Variants in SLC12A2 observed in about 807,000 individuals in gnomAD.
SLC12A2 encodes Na-K-2Cl cotransporter 1.
SLC12A2 carries 67 observed loss-of-function variants against 136.3 expected under a neutral mutation model. The ratio of observed to expected loss-of-function variants is 0.49; its 90% CI spans 0.40 to 0.60. The LOEUF (loss-of-function observed/expected upper bound fraction) is 0.60, where lower values mean the gene tolerates loss of function less well. SLC12A2 is among the 20% of genes least tolerant of loss of function. SLC12A2 has a pLI of 0.00. For synonymous variants in SLC12A2, 619 were observed against 562.9 expected, an observed-to-expected ratio of 1.10 and a Z score of -1.41; for missense variants, 1,322 against 1,534.7, an observed-to-expected ratio of 0.86 and a Z score of 2.32.
rs142491468 is a variant in SLC12A2, at chr5:128,142,010, A to AT, written c.1773+31dup. ...AGCATTGACTTTGTAATATACAGACATTCTGTATTTATCTAGGGGTGAGAC... is the reference window on the plus strand; with the variant it reads ...AGCATTGACTTTGTAATATACAGACATTTCTGTATTTATCTAGGGGTGAGAC... On this transcript the variant is annotated intron_variant, in intron 10 of 26. Transcript: ENST00000262461. The AT allele has an allele frequency of 4.9e-4, 773 of 1,588,694 alleles. 5 individuals are homozygous for AT. In the African/African-American group the frequency reaches 9.3e-3, roughly 19 times the overall value.
At chr5:128,173,377 A>G (rs1763441632) in intron 19 of SLC12A2, among the ~76,000 whole-genome samples, 1 of 152,208 alleles carries the variant, frequency 6.6e-6, no homozygotes, top group African/African-American at 2.4e-5. Context: ...CCTTTCACGT[A>G]TCAGTTTGAT....
chr5:128,131,401 C>T (rs974477035), intron 5 of SLC12A2, among the ~76,000 whole-genome samples, 195 bp downstream of exon 5: 14 of 151,292 alleles, frequency 9.3e-5, no homozygotes, highest in Non-Finnish European at 1.9e-4. Context: ...CGGTGGCTCG[C>T]GCATGTAATC....
chr5:128,089,397 TA>T (rs963975127), intron 1 of SLC12A2, among the ~76,000 whole-genome samples: 1 of 150,982 alleles, frequency 6.6e-6, no homozygotes, highest in Non-Finnish European at 1.5e-5. Context: ...AGACCCTGTC[TA>T]AAAAAAAATA....
rs114449511 is a variant in SLC12A2, at chr5:128,148,237, C to G, written c.1881+508C>G. Among the ~76,000 whole-genome samples the G allele has an allele frequency of 8.0e-3, 1,208 of 151,706 alleles. 19 individuals are homozygous for G. Among genetic ancestry groups the G allele is most frequent in the African/African-American group, 0.027 (1,116 of 41,472 alleles). On this transcript the variant is annotated intron_variant, in intron 11 of 26. Transcript: ENST00000262461. ...AACAGCTGAATACTGATGGGAAGTA[C>G]TTTTTATTGGTAAATCAAATAAATG... is the stretch of plus-strand genomic sequence containing the variant.
chr5:128,180,060 C>T (rs887660069), intron 22 of SLC12A2, among the ~76,000 whole-genome samples: 3 of 147,838 alleles, frequency 2.0e-5, no homozygotes, highest in Non-Finnish European at 4.5e-5. Context: ...AGCTCCGCCT[C>T]CCGGGTTCAC....
At chr5:128,150,632 T>G (rs6894328) in intron 13 of SLC12A2, among the ~76,000 whole-genome samples, 5,083 of 151,928 alleles carry the variant, frequency 0.033, 304 homozygotes, top group African/African-American at 0.12. Context: ...ATTGAAATTA[T>G]TTTTTTAAAA....
chr5:128,091,490 G>A (rs1405786399), intron 1 of SLC12A2, among the ~76,000 whole-genome samples: 2 of 152,174 alleles, frequency 1.3e-5, no homozygotes, highest in African/African-American at 2.4e-5. Flanking sequence ...CAAAGGGGTA[G>A]GGAACTAGTG....
chr5:128,114,852 A>G (rs552325237), intron 4 of SLC12A2, among the ~76,000 whole-genome samples, 171 bp downstream of exon 4: 2 of 152,340 alleles, frequency 1.3e-5, no homozygotes, highest in South Asian at 4.1e-4. Flanking sequence ...GTAAAATTTT[A>G]TGTCAACTCA....
chr5:128,126,161 G>GT (rs1761786363), intron 4 of SLC12A2, among the ~76,000 whole-genome samples: 2 of 152,050 alleles, frequency 1.3e-5, no homozygotes, highest in South Asian at 4.1e-4. Context: ...ACTTAGATAT[G>GT]CCAATTTCTG....
chr5:128,163,097 T>G (rs1263486694), intron 17 of SLC12A2, among the ~76,000 whole-genome samples: 2 of 152,158 alleles, frequency 1.3e-5, no homozygotes, highest in Non-Finnish European at 2.9e-5. Flanking sequence ...GCTGTGGTAA[T>G]GTAGATTGGA....
At chr5:128,090,865 G>T (rs1760287044) in intron 1 of SLC12A2, among the ~76,000 whole-genome samples, 1 of 152,148 alleles carries the variant, frequency 6.6e-6, no homozygotes, top group African/African-American at 2.4e-5. Context: ...TAAAGTCAGG[G>T]GGTAGTGAGG....
intron 1 of SLC12A2, among the ~76,000 whole-genome samples, chr5:128,086,097 A>T (rs1036095355): frequency 6.6e-6 from 1 of 152,326 alleles, no homozygotes; most frequent in South Asian, 2.1e-4. Context: ...TAATGAAAAT[A>T]TTATACAGAT....
rs1035574380 is a variant in SLC12A2 at position 128,105,587 on chromosome 5, A to G, written c.757-7227A>G. Among the ~76,000 whole-genome samples the G allele has an allele frequency of 5.3e-5, 8 of 152,206 alleles. No individual in the cohort carries two copies. The South Asian group carries it at 1.4e-3, about 28-fold the overall frequency. On this transcript the variant is annotated intron_variant, in intron 1 of 26. Coordinates refer to ENST00000262461, the MANE Select transcript of SLC12A2 (RefSeq NM_001046.3). ...CTTGCGTTTAAGAATGTGCTGCACT[A>G]TTAGAAACTTTGGCAAGAGTCAGAG...
Position 128,186,686 on chromosome 5 carries a change from A to G in SLC12A2, c.*55A>G. The G allele has an allele frequency of 6.5e-7, 1 of 1,534,768 alleles. No individual in the cohort carries two copies. The highest frequency in any genetic ancestry group is 1.2e-5 in the South Asian group (1 of 85,264). Reference sequence around the variant, plus strand: ...ATGGTACTTCAGTGCCTAGTGTAGTAACTGAAATCTTCAATGACACATTAA... The same window carrying G: ...ATGGTACTTCAGTGCCTAGTGTAGTGACTGAAATCTTCAATGACACATTAA... On this transcript the variant is annotated 3_prime_UTR_variant, in exon 27 of 27. Transcript: ENST00000262461.
chr5:128,084,208 T>C lies in SLC12A2; in HGVS notation c.254T>C (p.Leu85Pro), dbSNP rs577740971. The change falls in exon 1 of 27, where the codon CTG (leucine) becomes CCG (proline). Residue 85 changes from leucine (L) to proline (P), a missense_variant. Coordinates refer to ENST00000262461, the MANE Select transcript of SLC12A2 (RefSeq NM_001046.3). This position sits in a 1 kb window ranked among gnomAD's most constrained non-coding sequence, Gnocchi z 5.6. ...TPSQSRFQVD[L>P]VSENAGRAAA... is the part of the protein sequence containing the mutation. Reference sequence around the variant, plus strand: ...AGCCAGAGCCGTTTCCAGGTGGACCTGGTTTCCGAGAACGCCGGGCGGGCC... The same window carrying C: ...AGCCAGAGCCGTTTCCAGGTGGACCCGGTTTCCGAGAACGCCGGGCGGGCC... The C allele has an allele frequency of 4.7e-6, 6 of 1,284,442 alleles. No individual in the cohort carries two copies. In the South Asian group the frequency reaches 1.1e-4, roughly 23 times the overall value. The allele number at this position is 1,284,442 out of a possible 1,614,324, so 79.6% of individuals were successfully genotyped here.
chr5:128,178,786 A>G, intron 22 of SLC12A2, 97 bp downstream of exon 22: 1 of 931,522 alleles, frequency 1.1e-6, no homozygotes, highest in Non-Finnish European at 1.5e-6. Context: ...ACCCCATTCA[A>G]ATTTTGCCAG....
At chr5:128,122,499 G>T (rs1488566591) in intron 4 of SLC12A2, among the ~76,000 whole-genome samples, 1 of 152,076 alleles carries the variant, frequency 6.6e-6, no homozygotes. Context: ...CATTTACATG[G>T]ATAGTGAGAA....
At position 128,084,313 on chromosome 5, in the gene SLC12A2, G is replaced by A; in HGVS notation, c.359G>A (p.Gly120Glu). 6.5e-7 allele frequency: 1 copy of A among 1,537,034 alleles called. No individual in the cohort carries two copies. The highest frequency in any genetic ancestry group is 8.7e-7 in the Non-Finnish European group (1 of 1,147,262). The part of the protein sequence containing the change: ...GAGAKQTPAD[G>E]EASGESEPAK... ...GGGGCCAAGCAGACCCCCGCGGACG[G>A]GGAAGCCAGCGGCGAGAGCGAGCCG... Residue 120 changes from glycine to glutamate, a missense_variant, in exon 1 of 27, where the codon GGG becomes GAG. Gly to Glu is a moderately conservative substitution (Grantham distance 98). Coordinates refer to ENST00000262461, the MANE Select transcript of SLC12A2 (RefSeq NM_001046.3). The surrounding 1 kb of genome is among the most constrained non-coding windows in gnomAD (Gnocchi z 5.6).
At chr5:128,126,156 G>T (rs1761786048) in intron 4 of SLC12A2, among the ~76,000 whole-genome samples, 2 of 152,046 alleles carry the variant, frequency 1.3e-5, no homozygotes, top group South Asian at 4.1e-4. Context: ...TTTTGACTTA[G>T]ATATGCCAAT....
Sources: gnomAD v4.1 joint callset for allele counts (sites outside exome capture counted in the v4.1 genomes callset) on GRCh38, gnomAD v4.1.1 for gene constraint, Gnocchi (gnomAD v3.1) non-coding constraint, MANE v1.5 for transcripts, NCBI Gene and HGNC (gene_info 2026-07-23, HGNC 2026-07-21) for gene names.